KCNJ6: variants seen among roughly 807,000 people sequenced by gnomAD.
KCNJ6 encodes the protein G protein-activated inward rectifier potassium channel 2.
In KCNJ6, 9 loss-of-function variants were observed where a neutral mutation model predicts 34.2. That is an observed-to-expected ratio of 0.26 (90% CI 0.16 to 0.46). The LOEUF is 0.46. KCNJ6 is among the 20% of genes least tolerant of loss of function. The probability of loss-of-function intolerance (pLI) is 1.00; values close to 1 mark genes in which losing one functional copy is unlikely to be tolerated. For missense variants in KCNJ6, 236 were observed against 531.3 expected, an observed-to-expected ratio of 0.44 and a Z score of 5.46; for synonymous variants, 196 against 207.1, an observed-to-expected ratio of 0.95 and a Z score of 0.46.
chr21:37,838,870 C>T (rs1006420823), intron 2 of KCNJ6, among the ~76,000 whole-genome samples: 2 of 152,170 alleles, frequency 1.3e-5, no homozygotes, highest in Non-Finnish European at 2.9e-5. Context: ...GCGGATTTCC[C>T]CTTCAGTGCT....
intron 1 of KCNJ6, among the ~76,000 whole-genome samples, chr21:37,869,631 G>C (rs1039700286): frequency 6.6e-6 from 1 of 152,334 alleles, no homozygotes; most frequent in Admixed American, 6.5e-5. Flanking sequence ...TGATTTGAAG[G>C]AAGTAGACAG....
intron 2 of KCNJ6, among the ~76,000 whole-genome samples, chr21:37,838,795 T>A (rs1429047192): frequency 6.6e-6 from 1 of 152,182 alleles, no homozygotes; most frequent in African/African-American, 2.4e-5. Flanking sequence ...CATGCAAATC[T>A]CATATTGAAT....
intron 2 of KCNJ6, among the ~76,000 whole-genome samples, chr21:37,796,779 C>CTTTCTT (rs1299616786): frequency 1.8e-4 from 13 of 71,470 alleles, no homozygotes; most frequent in African/African-American, 6.3e-4. Flanking sequence ...TTCTTTCTTT[C>CTTTCTT]TTTTTTTTTT....
chr21:37,864,748 T>C (rs1912858160), intron 1 of KCNJ6, among the ~76,000 whole-genome samples: 1 of 152,206 alleles, frequency 6.6e-6, no homozygotes, highest in South Asian at 2.1e-4. Flanking sequence ...AAGTCTCCTC[T>C]AAAAATGAGT....
At chr21:37,773,186 A>T (rs1042140310) in intron 2 of KCNJ6, among the ~76,000 whole-genome samples, 3 of 152,072 alleles carry the variant, frequency 2.0e-5, no homozygotes, top group Non-Finnish European at 4.4e-5. Context: ...GCCTACCTAG[A>T]TAGGTTGCCC....
Position 37,846,353 on chromosome 21 carries a change from CTGTGTGTGTGTGTGTGTGTGTG to C in KCNJ6, c.-27-5666_-27-5645del, listed in dbSNP as rs55697215. 1.2e-3 allele frequency among the ~76,000 whole-genome samples: 181 copies of C among 144,948 alleles called. 2 individuals are homozygous for C. Among genetic ancestry groups the C allele is most frequent in the Middle Eastern group, 3.5e-3 (1 of 288 alleles). On this transcript the variant is annotated intron_variant, in intron 1 of 3. Transcript: ENST00000609713. Reference sequence around the variant, plus strand: ...AGCTCAGAGCTAAGGCTGAGACACTCTGTGTGTGTGTGTGTGTGTGTGTGTGTGTGTGTGTGTGTGTGTGTGT... The same window carrying C: ...AGCTCAGAGCTAAGGCTGAGACACTCTGTGTGTGTGTGTGTGTGTGTGTGT...
chr21:37,791,788 T>C (rs945644036), intron 2 of KCNJ6, among the ~76,000 whole-genome samples: 3 of 152,184 alleles, frequency 2.0e-5, no homozygotes, highest in African/African-American at 7.2e-5. Context: ...TTTAAAAATG[T>C]TCTTTTTTAT....
chr21:37,607,886 T>G lies in KCNJ6; in HGVS notation c.*17273A>C, dbSNP rs151102044. On this transcript the variant is annotated 3_prime_UTR_variant, in exon 4 of 4. Transcript: ENST00000609713. ...TATTTCTTAATATCCCTAAGTCCCTTCTAAAATAAACTCTTGTTTTGTGAT... is the reference window on the plus strand; with the variant it reads ...TATTTCTTAATATCCCTAAGTCCCTGCTAAAATAAACTCTTGTTTTGTGAT... The G allele has an allele frequency of 2.0e-4, 30 of 152,328 alleles. 1 individual carries two copies. Among genetic ancestry groups the G allele is most frequent in the African/African-American group, 7.0e-4 (29 of 41,576 alleles). The allele number at this position is 152,328 out of a possible 1,614,324, so 9.4% of individuals were successfully genotyped here. A position where few individuals can be genotyped will look rare whatever the true frequency, so the allele number is the denominator to read the frequency against.
intron 3 of KCNJ6, among the ~76,000 whole-genome samples, chr21:37,646,757 G>A (rs1051912667): frequency 1.3e-5 from 2 of 151,200 alleles, no homozygotes; most frequent in African/African-American, 4.9e-5. Context: ...TGCAAGCTCC[G>A]CCTCCCGGGT....
At chr21:37,813,737 T>C (rs939085273) in intron 2 of KCNJ6, among the ~76,000 whole-genome samples, 2 of 152,178 alleles carry the variant, frequency 1.3e-5, no homozygotes, top group Non-Finnish European at 2.9e-5. Flanking sequence ...TCTCTCACCA[T>C]ATACAAACAT....
intron 2 of KCNJ6, among the ~76,000 whole-genome samples, chr21:37,801,366 A>G (rs1346065247): frequency 6.6e-6 from 1 of 151,892 alleles, no homozygotes; most frequent in East Asian, 1.9e-4. Flanking sequence ...CATCTGGAGA[A>G]CCCCATCCTG....
chr21:37,753,527 C>G (rs962176148), intron 2 of KCNJ6, among the ~76,000 whole-genome samples: 1 of 149,778 alleles, frequency 6.7e-6, no homozygotes, highest in African/African-American at 2.5e-5. Context: ...GAGAGCCGGA[C>G]AGCAGGCTGC....
At chr21:37,915,437 T>G (rs2055888575) in intron 1 of KCNJ6, among the ~76,000 whole-genome samples, 1 of 152,230 alleles carries the variant, frequency 6.6e-6, no homozygotes, top group Non-Finnish European at 1.5e-5. Context: ...CCTTTCGTGT[T>G]GTCTCCTCTC....
intron 2 of KCNJ6, among the ~76,000 whole-genome samples, chr21:37,749,100 C>T (rs2054981931): frequency 6.6e-6 from 1 of 152,106 alleles, no homozygotes; most frequent in Non-Finnish European, 1.5e-5. Flanking sequence ...TGATGGGAGA[C>T]ACTAATTTTA....
rs531329951 is a variant in KCNJ6, at chr21:37,705,806, A to G, written c.946+8405T>C. On this transcript the variant is annotated intron_variant, in intron 3 of 3. Transcript: ENST00000609713. ...CTGCAAAGTAGCCAGCTGCAGATTC[A>G]TTTCCTGGCAAGTCTAGTATGCTTG... 7.2e-5 allele frequency among the ~76,000 whole-genome samples: 11 copies of G among 152,368 alleles called. 1 individual carries two copies. In the South Asian group the frequency reaches 2.3e-3, roughly 32 times the overall value.
intron 2 of KCNJ6, among the ~76,000 whole-genome samples, chr21:37,798,525 T>C (rs1159949687): frequency 6.6e-6 from 1 of 152,192 alleles, no homozygotes; most frequent in African/African-American, 2.4e-5. Context: ...ACAACTCAAA[T>C]GTACATCAAC....
chr21:37,881,276 C>T (rs1157274717), intron 1 of KCNJ6, among the ~76,000 whole-genome samples: 3 of 152,180 alleles, frequency 2.0e-5, no homozygotes, highest in Non-Finnish European at 2.9e-5. Flanking sequence ...GTGTCTTAGT[C>T]ATCTCGGGCT....
At chr21:37,729,185 C>A (rs2067883459) in intron 2 of KCNJ6, among the ~76,000 whole-genome samples, 1 of 152,160 alleles carries the variant, frequency 6.6e-6, no homozygotes, top group Non-Finnish European at 1.5e-5. Flanking sequence ...TGTCTAGTAC[C>A]CACTGCAAGG....
At chr21:37,660,724 C>A (rs1403696804) in intron 3 of KCNJ6, among the ~76,000 whole-genome samples, 4 of 152,308 alleles carry the variant, frequency 2.6e-5, no homozygotes, top group African/African-American at 4.8e-5. Context: ...TCATGCTCAC[C>A]ACCAGGGCTG....
Sources: gnomAD v4.1 joint callset for allele counts (sites outside exome capture counted in the v4.1 genomes callset) on GRCh38, gnomAD v4.1.1 for gene constraint, MANE v1.5 for transcripts, NCBI Gene and HGNC (gene_info 2026-07-23, HGNC 2026-07-21) for gene names.